Variants in PPP1R9A observed in about 807,000 individuals in gnomAD.
The protein encoded by PPP1R9A is neurabin-1.
PPP1R9A carries 59 observed loss-of-function variants against 141.9 expected under a neutral mutation model. The ratio of observed to expected loss-of-function variants is 0.42; its 90% CI spans 0.34 to 0.52. PPP1R9A has a LOEUF of 0.52. Ranked by LOEUF, PPP1R9A falls within the 20% of genes least tolerant of loss-of-function variation. PPP1R9A has a pLI of 0.10. For synonymous variants in PPP1R9A, 500 were observed against 569.7 expected (o/e 0.88, Z 1.74); for missense variants, 1,444 against 1,611.9 (o/e 0.90, Z 1.78).
chr7:95,238,482 T>C (rs1174635655), intron 8 of PPP1R9A, among the ~76,000 whole-genome samples: 1 of 152,184 alleles, frequency 6.6e-6, no homozygotes, highest in African/African-American at 2.4e-5. Context: ...TCCTGGTTAC[T>C]GTACTCTCCT....
intron 2 of PPP1R9A, among the ~76,000 whole-genome samples, chr7:95,101,790 T>C (rs1254896409): frequency 6.6e-6 from 1 of 152,230 alleles, no homozygotes; most frequent in Non-Finnish European, 1.5e-5. Flanking sequence ...TAAATTGACC[T>C]TTACTTTCTC....
At chr7:95,088,546 G>T (rs969055377) in intron 2 of PPP1R9A, among the ~76,000 whole-genome samples, 1 of 152,014 alleles carries the variant, frequency 6.6e-6, no homozygotes, top group Admixed American at 6.5e-5. Context: ...TGTTTTGGAA[G>T]TTGGAAGTTC....
chr7:95,087,230 T>C (rs1359438446), intron 2 of PPP1R9A, among the ~76,000 whole-genome samples: 1 of 151,948 alleles, frequency 6.6e-6, no homozygotes, highest in South Asian at 2.1e-4. Flanking sequence ...GAAATAAACA[T>C]AATTTAGATA....
intron 2 of PPP1R9A, among the ~76,000 whole-genome samples, chr7:95,007,571 G>A: frequency 6.6e-6 from 1 of 152,196 alleles, no homozygotes; most frequent in East Asian, 1.9e-4. Context: ...AATTGAAATA[G>A]TAACTTTATT....
At chr7:94,999,773 CTTAT>C (rs1554455788) in intron 2 of PPP1R9A, among the ~76,000 whole-genome samples, 1 of 134,810 alleles carries the variant, frequency 7.4e-6, no homozygotes, top group Non-Finnish European at 1.5e-5. Context: ...GCTGAGATAT[CTTAT>C]TTTATTTATT....
intron 2 of PPP1R9A, among the ~76,000 whole-genome samples, chr7:94,966,910 C>G (rs1259031596): frequency 6.6e-6 from 1 of 152,048 alleles, no homozygotes; most frequent in Non-Finnish European, 1.5e-5. Context: ...CTCTTTGTAC[C>G]TTTGGTAGCA....
At chr7:95,065,648 C>T (rs1344005833) in intron 2 of PPP1R9A, among the ~76,000 whole-genome samples, 1 of 152,120 alleles carries the variant, frequency 6.6e-6, no homozygotes, top group Non-Finnish European at 1.5e-5. Flanking sequence ...CTTCAAGAAA[C>T]ATCCATCTTC....
At chr7:95,210,320 G>A (rs1257335430) in intron 7 of PPP1R9A, among the ~76,000 whole-genome samples, 1 of 151,960 alleles carries the variant, frequency 6.6e-6, no homozygotes, top group Admixed American at 6.6e-5. Flanking sequence ...TAACGATAGT[G>A]TAAAAGAATC....
At chr7:95,262,832 C>G (rs1287184508) in intron 12 of PPP1R9A, among the ~76,000 whole-genome samples, 1 of 152,174 alleles carries the variant, frequency 6.6e-6, no homozygotes, top group African/African-American at 2.4e-5. Context: ...GCTCATACAA[C>G]AAAAGTTCAG....
At chr7:95,216,575 A>T (rs931823068) in intron 7 of PPP1R9A, among the ~76,000 whole-genome samples, 4 of 152,108 alleles carry the variant, frequency 2.6e-5, no homozygotes, top group African/African-American at 7.2e-5. Flanking sequence ...CATTTTCACG[A>T]TATTGATTCT....
intron 2 of PPP1R9A, among the ~76,000 whole-genome samples, chr7:95,108,188 A>C (rs1819833785): frequency 6.6e-6 from 1 of 151,564 alleles, no homozygotes; most frequent in African/African-American, 2.4e-5. Context: ...CTTTTTCAAT[A>C]ATTTGCAGTG....
chr7:95,249,997 A>T, intron 9 of PPP1R9A, 29 bp from the exon 10 acceptor site: 1 of 1,536,522 alleles, frequency 6.5e-7, no homozygotes, highest in Non-Finnish European at 8.7e-7. Context: ...TGGCCAAATT[A>T]TCTTTGCCTT....
chr7:95,059,680 T>C (rs1323538805), intron 2 of PPP1R9A, among the ~76,000 whole-genome samples: 2 of 152,216 alleles, frequency 1.3e-5, no homozygotes, highest in African/African-American at 4.8e-5. Context: ...ACAGAATGTA[T>C]GTATGCTGAG....
At chr7:94,949,060 A>G (rs934740805) in intron 2 of PPP1R9A, among the ~76,000 whole-genome samples, 6 of 152,200 alleles carry the variant, frequency 3.9e-5, no homozygotes, top group African/African-American at 1.4e-4. Context: ...AGAAATTCTT[A>G]AATACCAAGG....
chr7:95,251,099 A>T (rs374355475), intron 10 of PPP1R9A, among the ~76,000 whole-genome samples: 1 of 152,184 alleles, frequency 6.6e-6, no homozygotes, highest in Non-Finnish European at 1.5e-5. Flanking sequence ...TGCTATCAAA[A>T]GTTTCTTGTT....
intron 3 of PPP1R9A, among the ~76,000 whole-genome samples, chr7:95,116,215 T>G (rs1821487331): frequency 6.6e-6 from 1 of 152,114 alleles, no homozygotes; most frequent in African/African-American, 2.4e-5. Flanking sequence ...CTAAAGATAT[T>G]TTAATTAAAA....
intron 2 of PPP1R9A, among the ~76,000 whole-genome samples, chr7:95,078,864 T>C (rs1033966559): frequency 6.6e-6 from 1 of 152,096 alleles, no homozygotes; most frequent in African/African-American, 2.4e-5. Flanking sequence ...GAGTTCATTG[T>C]AGATTCTGGA....
chr7:95,164,909 A>C (rs1831013830), intron 5 of PPP1R9A, among the ~76,000 whole-genome samples: 1 of 151,386 alleles, frequency 6.6e-6, no homozygotes, highest in South Asian at 2.1e-4. Context: ...GGAACATCAA[A>C]TTTAATATAC....
chr7:95,264,759 G>T (rs910565210), intron 12 of PPP1R9A, among the ~76,000 whole-genome samples: 3 of 152,106 alleles, frequency 2.0e-5, no homozygotes, highest in Non-Finnish European at 4.4e-5. Context: ...TTGCGTCAGA[G>T]GTAGGCTATT....
Sources: allele counts gnomAD v4.1 joint callset (sites outside exome capture counted in the v4.1 genomes callset), GRCh38; gene constraint gnomAD v4.1.1; transcripts MANE v1.5; gene names NCBI Gene and HGNC (gene_info 2026-07-23, HGNC 2026-07-21).